PGBD2: variants seen among roughly 807,000 people sequenced by gnomAD.
PGBD2 encodes piggyBac transposable element derived 2.
PGBD2 carries 6 observed loss-of-function variants against 8.1 expected under a neutral mutation model. The ratio of observed to expected loss-of-function variants is 0.74; its 90% confidence interval spans 0.40 to 1.46. The LOEUF is 1.46. Ranked by LOEUF, PGBD2 falls within the 40% of genes most tolerant of loss-of-function variation. PGBD2 has a pLI of 0.02. For missense variants in PGBD2, 802 were observed against 739.0 expected (o/e 1.09, Z -0.99); for synonymous variants, 318 against 272.2 (o/e 1.17, Z -1.66).
At chr1:248,911,767 C>G (rs1012604417) in intron 1 of PGBD2, among the ~76,000 whole-genome samples, 11 of 151,790 alleles carry the variant, frequency 7.2e-5, no homozygotes, top group Admixed American at 6.5e-4. Context: ...CCACCTCCCT[C>G]CCGGACGGGG....
chr1:248,903,971 C>G (rs1224534537), upstream of PGBD2, among the ~76,000 whole-genome samples: 1 of 151,966 alleles, frequency 6.6e-6, no homozygotes, highest in Non-Finnish European at 1.5e-5. Context: ...TAAAGTCTCA[C>G]CCCATACATA....
At chr1:248,887,328 A>G in the PGBD2 span, among the ~76,000 whole-genome samples, 1 of 152,164 alleles carries the variant, frequency 6.6e-6, no homozygotes, top group African/African-American at 2.4e-5. Context: ...TCCATCTCTG[A>G]TGGTTCCTCA....
At chr1:248,922,038 C>G (rs1336691406), downstream of PGBD2, among the ~76,000 whole-genome samples, 1 of 151,444 alleles carries the variant, frequency 6.6e-6, no homozygotes, top group Non-Finnish European at 1.5e-5. Flanking sequence ...TGGACTGAGA[C>G]AATGGGGTTT....
chr1:248,873,852 A>T, the PGBD2 span, among the ~76,000 whole-genome samples: 1 of 152,140 alleles, frequency 6.6e-6, no homozygotes, highest in Non-Finnish European at 1.5e-5. Context: ...TCTGCTTCCG[A>T]GTGTCAGGAT....
the PGBD2 span, among the ~76,000 whole-genome samples, chr1:248,880,122 T>C: frequency 5.3e-5 from 8 of 152,178 alleles, no homozygotes; most frequent in Admixed American, 3.3e-4. Flanking sequence ...CATTTTCCTA[T>C]ATTGTCACAG....
At chr1:248,890,246 C>G in the PGBD2 span, among the ~76,000 whole-genome samples, 1 of 152,220 alleles carries the variant, frequency 6.6e-6, no homozygotes, top group South Asian at 2.1e-4. Flanking sequence ...AAAACTCTTA[C>G]TCTGCAAGAG....
Position 248,917,395 on chromosome 1 carries a change from T to G in PGBD2, c.811T>G (p.Ser271Ala). Residue 271 changes from serine to alanine, a missense_variant, in exon 3 of 3, where the codon TCT (serine) becomes GCT (alanine). Physicochemically the swap from Ser to Ala is moderately conservative, Grantham distance 99 (BLOSUM62 1). Transcript: ENST00000329291. ...GGAAGAGTTCTACAGCTTTGGCGAG[T>G]CTATGTGTGAGTACTTTGGGCACCG... ...PLEEFYSFGE[S>A]MCEYFGHRGS... The G allele has an allele frequency of 6.2e-7, 1 of 1,613,726 alleles. No homozygotes were observed. Among genetic ancestry groups the G allele is most frequent in the Admixed American group, 1.7e-5 (1 of 59,986 alleles).
chr1:248,928,873 C>G, the PGBD2 span, among the ~76,000 whole-genome samples: 1 of 152,122 alleles, frequency 6.6e-6, no homozygotes, highest in Non-Finnish European at 1.5e-5. Flanking sequence ...ATGCATAGTT[C>G]AAATATACAA....
At chr1:248,927,088 A>T in the PGBD2 span, among the ~76,000 whole-genome samples, 1 of 152,196 alleles carries the variant, frequency 6.6e-6, no homozygotes, top group South Asian at 2.1e-4. Flanking sequence ...GCTGTAGCTG[A>T]CACACAAAGG....
Position 248,918,083 on chromosome 1 carries a change from A to G in PGBD2, c.1499A>G (p.Gln500Arg). 6.2e-7 allele frequency: 1 copy of G among 1,614,228 alleles called. No homozygotes were observed. The highest frequency in any genetic ancestry group is 8.5e-7 in the Non-Finnish European group (1 of 1,180,042). Reference sequence around the variant, plus strand: ...GATGCTGCCCTCAACAATGCATGGCAGCTGCATAGAATCTGCTGCCAAGAT... The same window carrying G: ...GATGCTGCCCTCAACAATGCATGGCGGCTGCATAGAATCTGCTGCCAAGAT... The part of the protein sequence containing the change: ...VIDAALNNAW[Q>R]LHRICCQDAQ... The change falls in exon 3 of 3, where the codon CAG becomes CGG. Residue 500 changes from glutamine (Q) to arginine (R), a missense_variant. Physicochemically the swap from Gln to Arg is conservative, Grantham distance 43 (BLOSUM62 1). Coordinates refer to ENST00000329291, the MANE Select transcript of PGBD2 (RefSeq NM_170725.3).
chr1:248,893,672 G>T, the PGBD2 span, among the ~76,000 whole-genome samples: 1 of 152,062 alleles, frequency 6.6e-6, no homozygotes, highest in Non-Finnish European at 1.5e-5. Flanking sequence ...CCATATCTTG[G>T]CTATTGTGGA....
chr1:248,898,401 A>G, the PGBD2 span, among the ~76,000 whole-genome samples: 3 of 152,116 alleles, frequency 2.0e-5, no homozygotes, highest in Non-Finnish European at 4.4e-5. Context: ...TGATCCGCCC[A>G]CCTCGGCCTC....
At chr1:248,897,879 G>C in the PGBD2 span, among the ~76,000 whole-genome samples, 2 of 152,162 alleles carry the variant, frequency 1.3e-5, no homozygotes, top group Non-Finnish European at 2.9e-5. Context: ...AGCTCCAGTT[G>C]GCTATTTTGC....
intron 2 of PGBD2, chr1:248,914,495 A>G: frequency 1.6e-6 from 2 of 1,289,074 alleles, no homozygotes; most frequent in Non-Finnish European, 2.0e-6. Flanking sequence ...GCTGACAGTC[A>G]GTCTCCAGGA....
intron 1 of PGBD2, among the ~76,000 whole-genome samples, chr1:248,907,037 C>T (rs767171904): frequency 3.3e-5 from 5 of 152,078 alleles, no homozygotes; most frequent in Non-Finnish European, 7.4e-5. Context: ...AGGGGACCGG[C>T]ACTCAGCATA....
At chr1:248,874,238 C>T in the PGBD2 span, among the ~76,000 whole-genome samples, 94 of 152,320 alleles carry the variant, frequency 6.2e-4, no homozygotes, top group East Asian at 9.6e-4. Flanking sequence ...CTAAATGACG[C>T]ATCATGTCTT....
chr1:248,892,271 C>CT, the PGBD2 span, among the ~76,000 whole-genome samples: 1 of 129,856 alleles, frequency 7.7e-6, no homozygotes, highest in African/African-American at 3.9e-5. Context: ...CCCTCCCTCC[C>CT]TCCCTTCCTT....
chr1:248,918,430 C>G lies in PGBD2; in HGVS notation c.*67C>G. Reference sequence around the variant, plus strand: ...CAGTTAAATACAGATGGCAGTTGAGCACTTCTGTTTTGTGTTGGAAAAAAG... The same window carrying G: ...CAGTTAAATACAGATGGCAGTTGAGGACTTCTGTTTTGTGTTGGAAAAAAG... On this transcript the variant is annotated 3_prime_UTR_variant, in exon 3 of 3. Transcript: ENST00000329291. The G allele has an allele frequency of 6.9e-7, 1 of 1,455,778 alleles. No homozygotes were observed. Among genetic ancestry groups the G allele is most frequent in the Non-Finnish European group, 9.2e-7 (1 of 1,086,386 alleles). 90.2% of individuals were successfully genotyped at this position (1,455,778 alleles called of 1,614,324 possible). A position where few individuals can be genotyped will look rare whatever the true frequency, so the allele number is the denominator to read the frequency against.
the PGBD2 span, among the ~76,000 whole-genome samples, chr1:248,928,952 A>G: frequency 6.6e-6 from 1 of 152,234 alleles, no homozygotes; most frequent in Admixed American, 6.5e-5. Flanking sequence ...CTCTGGAATG[A>G]AATGAATTCT....
Sources: gnomAD v4.1 joint callset for allele counts (sites outside exome capture counted in the v4.1 genomes callset) on GRCh38, gnomAD v4.1.1 for gene constraint, MANE v1.5 for transcripts, NCBI Gene and HGNC (gene_info 2026-07-23, HGNC 2026-07-21) for gene names.